ENTREP2: variants seen among roughly 807,000 people sequenced by gnomAD.
The protein encoded by ENTREP2 is endosomal transmembrane epsin interactor 2, also known as protein ENTREP2.
chr15:29,221,281 A>G, the ENTREP2 span, among the ~76,000 whole-genome samples: 8 of 151,502 alleles, frequency 5.3e-5, no homozygotes, highest in African/African-American at 1.7e-4. Context: ...GGCTCACTGC[A>G]ACCTCTGCCT....
the ENTREP2 span, among the ~76,000 whole-genome samples, chr15:29,408,999 A>AT: frequency 4.1e-4 from 63 of 152,362 alleles, no homozygotes; most frequent in Middle Eastern, 6.8e-3. Context: ...TTAATAGATC[A>AT]TCTTTGTATG....
At chr15:29,456,347 G>C in the ENTREP2 span, among the ~76,000 whole-genome samples, 1 of 152,206 alleles carries the variant, frequency 6.6e-6, no homozygotes, top group African/African-American at 2.4e-5. Context: ...TGACTGCATG[G>C]AAGAGGAGGG....
chr15:29,600,464 C>CATCATCA, the ENTREP2 span, among the ~76,000 whole-genome samples: 2 of 150,426 alleles, frequency 1.3e-5, no homozygotes, highest in South Asian at 4.2e-4. Context: ...TCATCATCAT[C>CATCATCA]ATCATCAATC....
the ENTREP2 span, among the ~76,000 whole-genome samples, chr15:29,169,978 C>G: frequency 1.3e-5 from 2 of 152,042 alleles, no homozygotes; most frequent in African/African-American, 4.8e-5. Flanking sequence ...ATATTTAGAA[C>G]TAAATATAAT....
the ENTREP2 span, among the ~76,000 whole-genome samples, chr15:29,463,980 C>T: frequency 6.8e-4 from 103 of 152,242 alleles, 1 homozygote; most frequent in African/African-American, 2.5e-3. Context: ...CTGCAAGATG[C>T]CACTCATATG....
chr15:29,581,858 A>G, the ENTREP2 span, among the ~76,000 whole-genome samples: 19 of 152,224 alleles, frequency 1.2e-4, no homozygotes, highest in Admixed American at 6.5e-4. Context: ...AGTAATCAAT[A>G]TATTGTGGTG....
the ENTREP2 span, among the ~76,000 whole-genome samples, chr15:29,386,335 C>G: frequency 6.6e-6 from 1 of 152,170 alleles, no homozygotes; most frequent in Admixed American, 6.5e-5. Flanking sequence ...GGAGATGGAG[C>G]CCCAAAACAC....
the ENTREP2 span, among the ~76,000 whole-genome samples, chr15:29,400,865 C>A: frequency 6.6e-6 from 1 of 152,360 alleles, no homozygotes; most frequent in East Asian, 1.9e-4. Flanking sequence ...GAGGCTCCTG[C>A]AGAGTGGGTG....
At chr15:29,127,240 G>A in the ENTREP2 span, among the ~76,000 whole-genome samples, 38 of 152,124 alleles carry the variant, frequency 2.5e-4, no homozygotes, top group Non-Finnish European at 4.4e-4. Context: ...CCATCTCCAC[G>A]GGGTGTGCAT....
chr15:29,327,463 C>T, the ENTREP2 span, among the ~76,000 whole-genome samples: 19 of 151,916 alleles, frequency 1.3e-4, no homozygotes, highest in African/African-American at 4.1e-4. Flanking sequence ...GGTGTGCTAG[C>T]GGGCGCCTGT....
chr15:29,346,547 A>G, the ENTREP2 span, among the ~76,000 whole-genome samples: 1 of 152,210 alleles, frequency 6.6e-6, no homozygotes, highest in Admixed American at 6.5e-5. Flanking sequence ...CATTTTCTCC[A>G]TAAATTACTC....
At chr15:29,295,400 T>C in the ENTREP2 span, among the ~76,000 whole-genome samples, 1 of 152,134 alleles carries the variant, frequency 6.6e-6, no homozygotes, top group South Asian at 2.1e-4. Context: ...AGGCCTCTAC[T>C]GAGTCAAGGG....
chr15:29,521,469 T>G, the ENTREP2 span, among the ~76,000 whole-genome samples: 1 of 152,202 alleles, frequency 6.6e-6, no homozygotes, highest in East Asian at 1.9e-4. Context: ...CAAGCAGCAC[T>G]GTAAAAATAA....
At chr15:29,121,717 T>A in the ENTREP2 span, 1 of 152,214 alleles carries the variant, frequency 6.6e-6, no homozygotes, top group Non-Finnish European at 1.5e-5. Flanking sequence ...AAGTGCAGGT[T>A]GTCATCAAAA....
the ENTREP2 span, among the ~76,000 whole-genome samples, chr15:29,141,160 G>A: frequency 2.1e-4 from 32 of 152,336 alleles, no homozygotes; most frequent in African/African-American, 7.5e-4. Flanking sequence ...ACAGAGCCCC[G>A]AACATTTCAG....
the ENTREP2 span, among the ~76,000 whole-genome samples, chr15:29,214,342 T>A: frequency 1.2e-4 from 18 of 152,250 alleles, 1 homozygote; most frequent in East Asian, 3.5e-3. Flanking sequence ...ATATACACCA[T>A]GCAATACTAT....
the ENTREP2 span, among the ~76,000 whole-genome samples, chr15:29,220,824 A>G: frequency 1.3e-5 from 2 of 152,246 alleles, no homozygotes; most frequent in South Asian, 2.1e-4. Flanking sequence ...GAAAAAAAAA[A>G]ACTACCTGCT....
At chr15:29,213,835 A>G in the ENTREP2 span, among the ~76,000 whole-genome samples, 2 of 152,204 alleles carry the variant, frequency 1.3e-5, no homozygotes, top group Non-Finnish European at 2.9e-5. Context: ...AAGAACTCCA[A>G]CAAATTTACA....
chr15:29,261,353 G>A, the ENTREP2 span, among the ~76,000 whole-genome samples: 1 of 152,126 alleles, frequency 6.6e-6, no homozygotes, highest in Non-Finnish European at 1.5e-5. Flanking sequence ...ATTCTAGCCT[G>A]GGCAACAAGC....
Sources: gnomAD v4.1 joint callset for allele counts (sites outside exome capture counted in the v4.1 genomes callset) on GRCh38, gnomAD v4.1.1 for gene constraint, MANE v1.5 for transcripts, NCBI Gene and HGNC (gene_info 2026-07-23, HGNC 2026-07-21) for gene names.